CFAP299: variants seen among roughly 807,000 people sequenced by gnomAD.
CFAP299 encodes the protein cilia- and flagella-associated protein 299.
A neutral mutation model predicts 27.0 loss-of-function variants in CFAP299; 21 were observed. That is an observed-to-expected ratio of 0.78 (90% CI 0.55 to 1.12). The LOEUF is 1.12. Ranked by LOEUF, CFAP299 falls within the 50% of genes most tolerant of loss-of-function variation. The pLI is 0.00. For synonymous variants in CFAP299, 104 were observed against 98.1 expected (o/e 1.06, Z -0.36); for missense variants, 310 against 276.6 (o/e 1.12, Z -0.86).
chr4:80,386,451 A>AC (rs1318704561), intron 2 of CFAP299: 20 of 1,538,894 alleles, frequency 1.3e-5, no homozygotes, highest in Non-Finnish European at 1.6e-5. Flanking sequence ...CAAGGGGGTC[A>AC]CCACCTTGCG....
chr4:80,459,882 C>G (rs545554457), intron 2 of CFAP299, among the ~76,000 whole-genome samples: 1 of 152,076 alleles, frequency 6.6e-6, no homozygotes, highest in African/African-American at 2.4e-5. Context: ...CCCTTTTGCC[C>G]TCTGAAGGTT....
intron 3 of CFAP299, among the ~76,000 whole-genome samples, chr4:80,660,299 GA>G (rs201600539): frequency 0.01 from 1,583 of 151,998 alleles, 22 homozygotes; most frequent in African/African-American, 0.036. Context: ...TGTTGTAAAG[GA>G]AAAAAGATGC....
intron 1 of CFAP299, among the ~76,000 whole-genome samples, chr4:80,350,677 A>G (rs1722971202): frequency 6.6e-6 from 1 of 152,166 alleles, no homozygotes; most frequent in Non-Finnish European, 1.5e-5. Context: ...GCAAACTAAC[A>G]CAGGAACAGA....
chr4:80,788,947 A>C (rs970491367), intron 3 of CFAP299, among the ~76,000 whole-genome samples: 3 of 152,114 alleles, frequency 2.0e-5, no homozygotes, highest in Admixed American at 1.3e-4. Flanking sequence ...TGGTTGACTT[A>C]ACATAAACAT....
intron 3 of CFAP299, among the ~76,000 whole-genome samples, chr4:80,625,406 T>A (rs1738833680): frequency 6.6e-6 from 1 of 150,916 alleles, no homozygotes; most frequent in Non-Finnish European, 1.5e-5. Context: ...AAGCAAGCAA[T>A]CAAAACAACA....
At chr4:80,781,138 G>T (rs1347171942) in intron 3 of CFAP299, among the ~76,000 whole-genome samples, 1 of 151,852 alleles carries the variant, frequency 6.6e-6, no homozygotes, top group Admixed American at 6.6e-5. Context: ...ATCTTCTATT[G>T]TTGATGAATA....
chr4:80,707,383 T>C (rs1721882550), intron 3 of CFAP299, among the ~76,000 whole-genome samples: 1 of 152,034 alleles, frequency 6.6e-6, no homozygotes, highest in Non-Finnish European at 1.5e-5. Context: ...TGTATTAAAA[T>C]GCAGCCATGC....
chr4:80,537,265 C>A (rs1733789432), intron 2 of CFAP299, among the ~76,000 whole-genome samples: 2 of 152,044 alleles, frequency 1.3e-5, no homozygotes, highest in East Asian at 3.9e-4. Context: ...CCATTATTAT[C>A]AAAAATATTA....
At chr4:80,559,559 A>G in intron 2 of CFAP299, among the ~76,000 whole-genome samples, 1 of 152,158 alleles carries the variant, frequency 6.6e-6, no homozygotes, top group East Asian at 1.9e-4. Flanking sequence ...TTATATCACT[A>G]AAAGAGGCAT....
intron 3 of CFAP299, among the ~76,000 whole-genome samples, chr4:80,690,952 A>G (rs1436539343): frequency 1.4e-5 from 2 of 144,784 alleles, no homozygotes; most frequent in Non-Finnish European, 1.5e-5. Flanking sequence ...GAAGAAATGG[A>G]TAAATTCCTT....
chr4:80,337,210 C>T (rs1054502052), intron 1 of CFAP299, among the ~76,000 whole-genome samples: 11 of 152,206 alleles, frequency 7.2e-5, no homozygotes, highest in South Asian at 2.1e-4. Context: ...ATGAAATATA[C>T]GCTATAAACA....
chr4:80,853,253 A>G (rs952135334), intron 3 of CFAP299, among the ~76,000 whole-genome samples: 2 of 151,986 alleles, frequency 1.3e-5, no homozygotes, highest in East Asian at 3.9e-4. Context: ...CTGGTCTCGA[A>G]CTCCTGACCT....
intron 4 of CFAP299, among the ~76,000 whole-genome samples, chr4:80,882,722 C>A (rs1436745534): frequency 1.3e-5 from 2 of 151,722 alleles, no homozygotes; most frequent in African/African-American, 4.8e-5. Flanking sequence ...ATAAGTATAC[C>A]TCTCAGCAGA....
intron 2 of CFAP299, among the ~76,000 whole-genome samples, chr4:80,535,367 C>T (rs1005722008): frequency 1.4e-5 from 1 of 71,684 alleles, no homozygotes; most frequent in Non-Finnish European, 2.4e-5. Flanking sequence ...TAGTGGCGGG[C>T]GCCTGTAGTC....
intron 5 of CFAP299, among the ~76,000 whole-genome samples, chr4:80,957,440 C>T (rs898040034): frequency 1.2e-4 from 19 of 152,096 alleles, no homozygotes; most frequent in Non-Finnish European, 2.2e-4. Context: ...TCATCATTCT[C>T]ACACAGATAT....
intron 3 of CFAP299, among the ~76,000 whole-genome samples, chr4:80,609,283 A>G (rs1473239773): frequency 6.6e-6 from 1 of 152,132 alleles, no homozygotes; most frequent in Non-Finnish European, 1.5e-5. Flanking sequence ...TCAAAATAAT[A>G]TTCCCAGTTA....
intron 3 of CFAP299, among the ~76,000 whole-genome samples, chr4:80,729,106 CAAG>C (rs1225838829): frequency 4.6e-5 from 7 of 152,156 alleles, no homozygotes. Flanking sequence ...TGGGTCTGTT[CAAG>C]AAGGCTTCAT....
chr4:80,907,379 T>G (rs1358698357), intron 4 of CFAP299, among the ~76,000 whole-genome samples: 1 of 152,170 alleles, frequency 6.6e-6, no homozygotes, highest in Non-Finnish European at 1.5e-5. Context: ...GTCACATAGT[T>G]CCAAAGTCAC....
rs189338111 is a variant in CFAP299 at position 80,495,612 on chromosome 4, G to A, written c.243-87481G>A. Reference sequence around the variant, plus strand: ...AGGCCAGGCGTTTGAGATCAGCCTGGACAACACAAACCCTATCTCTATAAA... The same window carrying A: ...AGGCCAGGCGTTTGAGATCAGCCTGAACAACACAAACCCTATCTCTATAAA... On this transcript the variant is annotated intron_variant, in intron 2 of 5. Transcript: ENST00000358105. Among the ~76,000 whole-genome samples, 765 of 152,232 alleles carry A rather than the reference G, an allele frequency of 5.0e-3. 4 individuals are homozygous for A. The highest frequency in any genetic ancestry group is 0.017 in the Middle Eastern group (5 of 294).
Sources: gnomAD v4.1 joint callset for allele counts (sites outside exome capture counted in the v4.1 genomes callset) on GRCh38, gnomAD v4.1.1 for gene constraint, MANE v1.5 for transcripts, NCBI Gene and HGNC (gene_info 2026-07-23, HGNC 2026-07-21) for gene names.